Variants in GET1 observed in about 807,000 individuals in gnomAD.
GET1 encodes congenital heart disease 5 protein.
Under a neutral mutation model 22.6 loss-of-function variants are expected in GET1, and 20 were observed. The ratio of observed to expected loss-of-function variants is 0.89; its 90% CI spans 0.62 to 1.29. The LOEUF is 1.29. Ranked by LOEUF, GET1 falls within the 50% of genes most tolerant of loss-of-function variation. GET1 has a pLI of 0.00. For missense variants in GET1, 209 were observed against 219.9 expected (o/e 0.95, Z 0.31); for synonymous variants, 92 against 83.8 (o/e 1.10, Z -0.53).
chr21:39,391,063 A>C, intron 2 of GET1, 200 bp downstream of exon 2: 1 of 473,868 alleles, frequency 2.1e-6, no homozygotes, highest in South Asian at 4.4e-5. Flanking sequence ...AAGCACAGAA[A>C]TATCTAAGAT....
chr21:39,388,808 C>T (rs2038098353), intron 1 of GET1, among the ~76,000 whole-genome samples: 1 of 152,192 alleles, frequency 6.6e-6, no homozygotes, highest in African/African-American at 2.4e-5. Context: ...CATCCCGGTG[C>T]CGTGGCCGGG....
chr21:39,413,568 T>A (rs1418969478), intron 1 of GET1, among the ~76,000 whole-genome samples: 2 of 152,212 alleles, frequency 1.3e-5, no homozygotes, highest in Non-Finnish European at 2.9e-5. Flanking sequence ...CACAAAGGGA[T>A]AAAACATGAG....
intron 1 of GET1, among the ~76,000 whole-genome samples, chr21:39,388,773 T>A (rs1289930417): frequency 6.6e-6 from 1 of 152,080 alleles, no homozygotes; most frequent in Non-Finnish European, 1.5e-5. Context: ...TGCCGACTCC[T>A]CCGTTGCGCT....
downstream of GET1, among the ~76,000 whole-genome samples, chr21:39,399,532 C>G (rs997573377): frequency 6.6e-6 from 1 of 152,094 alleles, no homozygotes; most frequent in Non-Finnish European, 1.5e-5. Flanking sequence ...GCAACCTCTG[C>G]CTCCTGGGTT....
downstream of GET1, chr21:39,411,166 A>C: frequency 3.3e-6 from 1 of 302,114 alleles, no homozygotes; most frequent in Non-Finnish European, 6.5e-6. Context: ...AGAACAGACA[A>C]CCTAGGCTAT....
intron 1 of GET1, chr21:39,413,726 A>G (rs2040511370): frequency 6.6e-6 from 1 of 152,256 alleles, no homozygotes; most frequent in South Asian, 2.1e-4. Flanking sequence ...TCTGGATAAT[A>G]GCTTTCAGAT....
At chr21:39,421,991 G>C (rs922836206) in intron 1 of GET1, 14 of 152,144 alleles carry the variant, frequency 9.2e-5, no homozygotes, top group African/African-American at 2.7e-4. Flanking sequence ...CATACGCTAA[G>C]ATGAATACAA....
At chr21:39,415,848 C>G (rs564136649) in intron 1 of GET1, among the ~76,000 whole-genome samples, 1 of 152,192 alleles carries the variant, frequency 6.6e-6, no homozygotes, top group African/African-American at 2.4e-5. Flanking sequence ...CTGCTGACTG[C>G]ATCCCATCCT....
intron 1 of GET1, among the ~76,000 whole-genome samples, chr21:39,415,474 C>G (rs7279753): frequency 0.23 from 34,817 of 152,008 alleles, 4,312 homozygotes; most frequent in African/African-American, 0.32. Context: ...TCTCTCTGAC[C>G]ACTCCCCAGC....
At chr21:39,390,646 C>A in intron 1 of GET1, 52 bp from the exon 2 acceptor site, 1 of 1,600,754 alleles carries the variant, frequency 6.2e-7, no homozygotes, top group East Asian at 2.2e-5. Context: ...ACTGGGGAAC[C>A]CTCCTGTGAC....
chr21:39,421,906 G>C (rs1569096178), intron 1 of GET1: 1 of 152,040 alleles, frequency 6.6e-6, no homozygotes, highest in Non-Finnish European at 1.5e-5. Context: ...AATTTGTTTT[G>C]GTTTTATGTA....
intron 1 of GET1, among the ~76,000 whole-genome samples, chr21:39,383,497 G>A (rs927886221): frequency 1.4e-4 from 21 of 150,566 alleles, no homozygotes; most frequent in African/African-American, 4.2e-4. Context: ...GGCCAGGCTG[G>A]TCTCGAACTC....
chr21:39,426,527 G>A lies in GET1; in HGVS notation c.*24-1705G>A, dbSNP rs548224990. On this transcript the variant is annotated intron_variant, in intron 1 of 1. Transcript: ENST00000478273. ...GGTTTTAAAGGTGAGTGCATATATG[G>A]TATTTTCCACAGTTCTCTCATTGGG... Among the ~76,000 whole-genome samples, 17 of 152,218 alleles carry A rather than the reference G, an allele frequency of 1.1e-4. No individual in the cohort carries two copies. In the East Asian group the frequency reaches 3.3e-3, roughly 29 times the overall value.
At chr21:39,391,452 TAAG>T (rs2038291399) in intron 2 of GET1, 2 of 334,056 alleles carry the variant, frequency 6.0e-6, no homozygotes, top group South Asian at 2.6e-5. Flanking sequence ...CACTGGGAAA[TAAG>T]GAGGAAAATT....
intron 1 of GET1, among the ~76,000 whole-genome samples, chr21:39,385,295 C>T (rs2037811603): frequency 6.6e-6 from 1 of 152,114 alleles, no homozygotes; most frequent in Non-Finnish European, 1.5e-5. Context: ...GCACTGGTCC[C>T]CGCACTGGTC....
At chr21:39,388,343 T>A (rs751478573) in intron 1 of GET1, among the ~76,000 whole-genome samples, 5 of 152,178 alleles carry the variant, frequency 3.3e-5, no homozygotes, top group Non-Finnish European at 7.3e-5. Flanking sequence ...GTCAAGTACG[T>A]TACCACGATC....
intron 1 of GET1, among the ~76,000 whole-genome samples, chr21:39,390,430 G>T (rs928871964): frequency 2.0e-5 from 3 of 152,206 alleles, no homozygotes; most frequent in Admixed American, 2.0e-4. Flanking sequence ...TGGAGTGTAT[G>T]TGGGAGTTTA....
At chr21:39,385,610 G>C (rs1325423292) in intron 1 of GET1, among the ~76,000 whole-genome samples, 1 of 152,256 alleles carries the variant, frequency 6.6e-6, no homozygotes, top group Non-Finnish European at 1.5e-5. Context: ...CGGCTCTGCA[G>C]CTCTGCGGGT....
At position 39,420,976 on chromosome 21, in the gene GET1, G is replaced by A. The variant is rs953228895; in HGVS notation, c.*24-7256G>A. On this transcript the variant is annotated intron_variant, in intron 1 of 1. Coordinates refer to the GET1 transcript ENST00000478273. ...ATTTTAGTGAATGACTTATACAGGG[G>A]ACATATATTGGAATGAAGTATAACC... 3 of 584,692 alleles carry A rather than the reference G, an allele frequency of 5.1e-6. No individual in the cohort carries two copies. In the East Asian group the frequency reaches 8.5e-5, roughly 16 times the overall value. 36.2% of individuals were successfully genotyped at this position (584,692 alleles called of 1,614,324 possible).
Sources: gnomAD v4.1 joint callset for allele counts (sites outside exome capture counted in the v4.1 genomes callset) on GRCh38, gnomAD v4.1.1 for gene constraint, MANE v1.5 for transcripts, NCBI Gene and HGNC (gene_info 2026-07-23, HGNC 2026-07-21) for gene names.